Variants in ERCC8 observed in about 807,000 individuals in gnomAD.
ERCC8 encodes the protein DNA excision repair protein ERCC-8.
ERCC8 carries 52 observed loss-of-function variants against 54.9 expected under a neutral mutation model. The ratio of observed to expected loss-of-function variants is 0.95; its 90% CI spans 0.76 to 1.19. ERCC8 has a LOEUF of 1.19. Among genes scored for constraint, ERCC8 ranks in the 50% most tolerant of loss-of-function variants. The pLI is 0.00. For synonymous variants in ERCC8, 146 were observed against 157.2 expected (o/e 0.93, Z 0.53); for missense variants, 514 against 466.1 (o/e 1.10, Z -0.95).
intron 11 of ERCC8, among the ~76,000 whole-genome samples, chr5:60,881,581 G>C (rs1361885927): frequency 3.3e-5 from 5 of 152,208 alleles, no homozygotes; most frequent in Non-Finnish European, 5.9e-5. Flanking sequence ...CCCCCAGCCT[G>C]GCTGCCGCCT....
chr5:60,890,453 GTTGTA>G (rs1748512997), intron 10 of ERCC8, among the ~76,000 whole-genome samples: 1 of 152,126 alleles, frequency 6.6e-6, no homozygotes, highest in Non-Finnish European at 1.5e-5. Context: ...AATTATATAG[GTTGTA>G]TTAACTTCAA....
At chr5:60,894,540 TG>T (rs1277867417) in intron 9 of ERCC8, among the ~76,000 whole-genome samples, 2 of 152,172 alleles carry the variant, frequency 1.3e-5, no homozygotes, top group Non-Finnish European at 2.9e-5. Flanking sequence ...ATTATGTATT[TG>T]GGACAAAAAT....
rs1358853753 is a variant in ERCC8 at position 60,916,548 on chromosome 5, A to G, written c.399+1717T>C. 2.6e-5 allele frequency among the ~76,000 whole-genome samples: 4 copies of G among 152,170 alleles called. No individual in the cohort carries two copies. In the East Asian group the frequency reaches 5.8e-4, roughly 22 times the overall value. ...GGCTACAAGATATTCCATTATAGTC[A>G]GAAGTGAAAGGTCATGACATTCATT... On this transcript the variant is annotated intron_variant, in intron 4 of 11. Transcript: ENST00000676185.
chr5:60,927,121 T>C (rs1487045462), intron 2 of ERCC8, among the ~76,000 whole-genome samples: 1 of 152,206 alleles, frequency 6.6e-6, no homozygotes, highest in East Asian at 1.9e-4. Flanking sequence ...GATACGCAAA[T>C]GCACCCTCTG....
chr5:60,944,311 T>C (rs1027650957), intron 1 of ERCC8, among the ~76,000 whole-genome samples: 12 of 152,160 alleles, frequency 7.9e-5, no homozygotes, highest in African/African-American at 2.2e-4. Flanking sequence ...AACAGTTACC[T>C]AACTTGGCTC....
rs557279729 is a variant in ERCC8 at position 60,898,878 on chromosome 5, T to C, written c.719-478A>G. Among the ~76,000 whole-genome samples, 4 of 151,220 alleles carry C rather than the reference T, an allele frequency of 2.6e-5. No individual in the cohort carries two copies. The South Asian group carries it at 8.3e-4, about 31-fold the overall frequency. Reference sequence around the variant, plus strand: ...AATTAACAAGTTTGAGAAAGCATAATTCTAAAATAGCCTAATTAATTTAAA... The same window carrying C: ...AATTAACAAGTTTGAGAAAGCATAACTCTAAAATAGCCTAATTAATTTAAA... On this transcript the variant is annotated intron_variant, in intron 8 of 11. Transcript: ENST00000676185.
At chr5:60,881,084 T>C (rs969554160) in intron 11 of ERCC8, among the ~76,000 whole-genome samples, 1 of 152,074 alleles carries the variant, frequency 6.6e-6, no homozygotes, top group African/African-American at 2.4e-5. Flanking sequence ...CTTCTAACAG[T>C]CAGGACCCTC....
rs1333025539 is a variant in ERCC8, at chr5:60,874,812, CTG to C, written c.1123-131_1123-130del. On this transcript the variant is annotated intron_variant, in intron 11 of 11. Transcript: ENST00000676185. ...CATTATTTTGGAAGAAAATGTATAACTGTTAATTTCAGAACAAAAATAAGAAA... is the reference window on the plus strand; with the variant it reads ...CATTATTTTGGAAGAAAATGTATAACTTAATTTCAGAACAAAAATAAGAAA... The C allele has an allele frequency of 4.0e-6, 3 of 757,016 alleles. No homozygotes were observed. The African/African-American group carries it at 5.3e-5, about 13-fold the overall frequency. 46.9% of individuals were successfully genotyped at this position (757,016 alleles called of 1,614,324 possible). A position where few individuals can be genotyped will look rare whatever the true frequency, so the allele number is the denominator to read the frequency against.
intron 11 of ERCC8, among the ~76,000 whole-genome samples, 167 bp from the exon 12 acceptor site, chr5:60,874,850 A>G (rs530925582): frequency 6.6e-6 from 1 of 152,362 alleles, no homozygotes; most frequent in African/African-American, 2.4e-5. Flanking sequence ...CAACCCATAT[A>G]CAATATAAGA....
intron 1 of ERCC8, among the ~76,000 whole-genome samples, chr5:60,943,806 T>C (rs1042723304): frequency 2.6e-5 from 4 of 152,064 alleles, no homozygotes; most frequent in African/African-American, 9.7e-5. Context: ...GAAGGTGAAC[T>C]TATAGACATA....
chr5:60,924,368 C>T (rs1749689724), intron 2 of ERCC8: 1 of 153,798 alleles, frequency 6.5e-6, no homozygotes, highest in South Asian at 2.1e-4. Context: ...TAAGGAATGG[C>T]TAATGAGAAC....
intron 10 of ERCC8, among the ~76,000 whole-genome samples, chr5:60,888,638 T>C (rs1390623134): frequency 1.3e-5 from 2 of 152,244 alleles, no homozygotes; most frequent in Non-Finnish European, 2.9e-5. Flanking sequence ...CCTTGAAGTA[T>C]CTGTGATAGA....
intron 7 of ERCC8, 27 bp from the exon 8 acceptor site, chr5:60,899,754 C>T: frequency 6.6e-7 from 1 of 1,512,162 alleles, no homozygotes; most frequent in Non-Finnish European, 9.2e-7. Flanking sequence ...GTTACATTGA[C>T]ATATGTAGCT....
intron 1 of ERCC8, among the ~76,000 whole-genome samples, chr5:60,931,808 G>A (rs1048740830): frequency 6.6e-6 from 1 of 151,990 alleles, no homozygotes; most frequent in African/African-American, 2.4e-5. Flanking sequence ...ATTCAAACAT[G>A]TATAAAGGTA....
chr5:60,873,194 G>T lies in ERCC8; in HGVS notation c.*1421C>A, dbSNP rs1035478350. On this transcript the variant is annotated 3_prime_UTR_variant, in exon 12 of 12. Coordinates refer to ENST00000676185, the MANE Select transcript of ERCC8 (RefSeq NM_000082.4). Reference sequence around the variant, plus strand: ...TACCACAAAATGGTAACCATGTGAGGCATATGTCAGTTAGCTAGATTTAGT... The same window carrying T: ...TACCACAAAATGGTAACCATGTGAGTCATATGTCAGTTAGCTAGATTTAGT... Among the ~76,000 whole-genome samples the T allele has an allele frequency of 1.3e-5, 2 of 152,110 alleles. No homozygotes were observed. Among genetic ancestry groups the T allele is most frequent in the African/African-American group, 2.4e-5 (1 of 41,422 alleles).
chr5:60,934,333 C>T lies in ERCC8; in HGVS notation c.78-5374G>A, dbSNP rs148331259. On this transcript the variant is annotated intron_variant, in intron 1 of 11. Coordinates refer to ENST00000676185, the MANE Select transcript of ERCC8 (RefSeq NM_000082.4). ...GTTTTGATTTGCACATCTCTAATCA[C>T]TAGTGATGTTGAGCATTTTGTCATA... Among the ~76,000 whole-genome samples the T allele has an allele frequency of 1.8e-3, 274 of 152,310 alleles. 4 individuals are homozygous for T. Among genetic ancestry groups the T allele is most frequent in the African/African-American group, 6.4e-3 (267 of 41,566 alleles).
At chr5:60,908,823 T>C (rs947537388) in intron 4 of ERCC8, among the ~76,000 whole-genome samples, 3 of 151,998 alleles carry the variant, frequency 2.0e-5, no homozygotes, top group African/African-American at 4.8e-5. Context: ...AAAAGAAAAT[T>C]TGTGATGCTG....
chr5:60,914,095 T>C lies in ERCC8; in HGVS notation c.399+4170A>G, dbSNP rs901692514. Among the ~76,000 whole-genome samples, 7 of 152,240 alleles carry C rather than the reference T, an allele frequency of 4.6e-5. No individual in the cohort carries two copies. The South Asian group carries it at 1.5e-3, about 32-fold the overall frequency. On this transcript the variant is annotated intron_variant, in intron 4 of 11. Coordinates refer to ENST00000676185, the MANE Select transcript of ERCC8 (RefSeq NM_000082.4). ...GATTTGGGGTGGAGAGTTCTGTAGA[T>C]GTCTATTAGGTCTGCTTAGTTCAGA...
chr5:60,904,900 T>C, intron 4 of ERCC8, 27 bp from the exon 5 acceptor site: 1 of 1,137,656 alleles, frequency 8.8e-7, no homozygotes, highest in Non-Finnish European at 1.3e-6. Flanking sequence ...ATTTAAAAAG[T>C]ATAAGGTTTA....
Sources: gnomAD v4.1 joint callset for allele counts (sites outside exome capture counted in the v4.1 genomes callset) on GRCh38, gnomAD v4.1.1 for gene constraint, MANE v1.5 for transcripts, NCBI Gene and HGNC (gene_info 2026-07-23, HGNC 2026-07-21) for gene names.